Variants in VWDE observed in about 807,000 individuals in gnomAD.
The protein encoded by VWDE is von Willebrand factor D and EGF domain-containing protein.
In VWDE, 207 loss-of-function variants were observed where a neutral mutation model predicts 178.4. The observed-to-expected ratio is 1.16, with a 90% confidence interval of 1.04 to 1.30. VWDE has a LOEUF of 1.30. VWDE is among the 50% of genes most tolerant of loss of function. VWDE has a pLI of 0.00. For missense variants in VWDE, 2,287 were observed against 1,901.3 expected (o/e 1.20, Z -3.77); for synonymous variants, 738 against 651.4 (o/e 1.13, Z -2.02).
intron 19 of VWDE, among the ~76,000 whole-genome samples, chr7:12,349,181 C>G (rs1283659180): frequency 1.3e-5 from 2 of 151,724 alleles, no homozygotes; most frequent in East Asian, 3.9e-4. Flanking sequence ...ACATATGTAA[C>G]TAACCTACAC....
At chr7:12,398,466 TC>T (rs1258906816) in intron 1 of VWDE, among the ~76,000 whole-genome samples, 1 of 152,166 alleles carries the variant, frequency 6.6e-6, no homozygotes, top group Non-Finnish European at 1.5e-5. Flanking sequence ...CAACTCATCT[TC>T]CTTATTCCTC....
chr7:12,359,083 C>G lies in VWDE; in HGVS notation c.3274+495G>C, dbSNP rs148509516. On this transcript the variant is annotated intron_variant, in intron 16 of 28. Coordinates refer to ENST00000275358, the MANE Select transcript of VWDE (RefSeq NM_001135924.3). ...GAGAATTTGGACACCTATATGGAAC[C>G]AACATAGCTCTATTTATGAAAGTGA... Among the ~76,000 whole-genome samples, 1,059 of 152,186 alleles carry G rather than the reference C, an allele frequency of 7.0e-3. 19 individuals carry two copies. Among genetic ancestry groups the G allele is most frequent in the African/African-American group, 0.024 (983 of 41,512 alleles).
Position 12,346,622 on chromosome 7 carries a change from C to CG in VWDE, c.3887-2154dup, listed in dbSNP as rs549048666. ...TTTTTACACATCTTTTTGGCGGGGGCGGGGGGGATCATTATTTATTTCACC... is the reference window on the plus strand; with the variant it reads ...TTTTTACACATCTTTTTGGCGGGGGCGGGGGGGGATCATTATTTATTTCACC... On this transcript the variant is annotated intron_variant, in intron 19 of 28. Transcript: ENST00000275358. Among the ~76,000 whole-genome samples, 1,009 of 136,576 alleles carry CG rather than the reference C, an allele frequency of 7.4e-3. 18 individuals are homozygous for CG. Among genetic ancestry groups the CG allele is most frequent in the African/African-American group, 0.026 (937 of 36,476 alleles). The allele number at this position is 136,576 out of a possible 152,430, so 89.6% of individuals were successfully genotyped here.
chr7:12,372,281 T>C (rs1438573841), intron 10 of VWDE, among the ~76,000 whole-genome samples: 1 of 152,058 alleles, frequency 6.6e-6, no homozygotes, highest in African/African-American at 2.4e-5. Flanking sequence ...ATTTTCCTAA[T>C]TTTTGATTTG....
chr7:12,334,595 C>T (rs1405762706), intron 27 of VWDE, among the ~76,000 whole-genome samples: 15 of 152,150 alleles, frequency 9.9e-5, no homozygotes, highest in Admixed American at 9.8e-4. Context: ...ATGGTAGTAA[C>T]ATATTTTGTT....
chr7:12,332,323 T>C (rs3815527), intron 28 of VWDE, among the ~76,000 whole-genome samples: 98,863 of 151,970 alleles, frequency 0.65, 33,117 homozygotes, highest in African/African-American at 0.83. Context: ...TCCTTCCCCA[T>C]GGCCTTCTGG....
chr7:12,386,094 G>C (rs776311273), intron 3 of VWDE, among the ~76,000 whole-genome samples: 6 of 151,966 alleles, frequency 3.9e-5, no homozygotes, highest in African/African-American at 9.7e-5. Flanking sequence ...AGTTGTCAAT[G>C]TTTCTTAAAC....
chr7:12,352,498 A>G (rs1307724802), intron 18 of VWDE, among the ~76,000 whole-genome samples: 2 of 152,210 alleles, frequency 1.3e-5, no homozygotes, highest in South Asian at 2.1e-4. Context: ...ACTCATGTGT[A>G]AGGGGATTTG....
rs6967241 is a variant in VWDE, at chr7:12,379,482, A to C, written c.874T>G (p.Phe292Val). Residue 292 changes from phenylalanine (F) to valine (V), a missense_variant, in exon 6 of 29, where the codon TTT becomes GTT. Phe to Val is a conservative substitution (Grantham distance 50). Transcript: ENST00000275358. ...GCATCCCCACTGCTGCGTACCTTAAAGCCTGCAAAAAATTCTTGGCTTTCG... is the reference window on the plus strand; with the variant it reads ...GCATCCCCACTGCTGCGTACCTTAACGCCTGCAAAAAATTCTTGGCTTTCG... ...AIESQEFFAGFKLQPELSTIS... is the reference protein window; with the variant it reads ...AIESQEFFAGVKLQPELSTIS... 2 of 1,548,158 alleles carry C rather than the reference A, an allele frequency of 1.3e-6. No homozygotes were observed. Among genetic ancestry groups the C allele is most frequent in the Admixed American group, 2.0e-5 (1 of 50,616 alleles).
At chr7:12,342,687 T>C (rs952468451) in intron 22 of VWDE, among the ~76,000 whole-genome samples, 7 of 151,594 alleles carry the variant, frequency 4.6e-5, no homozygotes, top group African/African-American at 1.7e-4. Flanking sequence ...ATGATTATTA[T>C]TATTATTATT....
At chr7:12,362,181 A>G (rs968824303) in intron 13 of VWDE, among the ~76,000 whole-genome samples, 1 of 151,048 alleles carries the variant, frequency 6.6e-6, no homozygotes, top group Admixed American at 6.6e-5. Context: ...TGAAACAGGA[A>G]AATGAAGCCC....
At position 12,392,725 on chromosome 7, in the gene VWDE, G is replaced by T. The variant is rs576168435; in HGVS notation, c.243+869C>A. 2.0e-5 allele frequency among the ~76,000 whole-genome samples: 3 copies of T among 151,452 alleles called. No individual in the cohort carries two copies. In the South Asian group the frequency reaches 6.3e-4, roughly 32 times the overall value. On this transcript the variant is annotated intron_variant, in intron 2 of 28. Transcript: ENST00000275358. ...AAATAAGAATGAAAGAAGCCACTTG[G>T]GCTAGTTCACTATACAAGACAATGC...
At chr7:12,333,394 C>T (rs779611308) in intron 28 of VWDE, 71 bp downstream of exon 28, 3 of 858,126 alleles carry the variant, frequency 3.5e-6, no homozygotes, top group Admixed American at 6.6e-5. Context: ...TAATTAGTAA[C>T]AATTACTAAG....
chr7:12,375,115 A>C lies in VWDE; in HGVS notation c.1137T>G (p.Ala379=). The C allele has an allele frequency of 6.4e-7, 1 of 1,551,288 alleles. No individual in the cohort carries two copies. Among genetic ancestry groups the C allele is most frequent in the Non-Finnish European group, 8.7e-7 (1 of 1,146,668 alleles). ...CTCCATCTCGAGAAAAATCTGTGAC[A>C]GCAGTGTAGTACACAAAAGTGTGGC... ...TCSHTFVYYT[A]VTDFSRDGDR... The change falls in exon 8 of 29, where the codon GCT becomes GCG. Residue 379 remains alanine (A), a synonymous_variant. Coordinates refer to ENST00000275358, the MANE Select transcript of VWDE (RefSeq NM_001135924.3).
chr7:12,357,599 A>AT (rs1255944544), intron 16 of VWDE, 84 bp from the exon 17 acceptor site: 1 of 1,435,282 alleles, frequency 7.0e-7, no homozygotes, highest in Non-Finnish European at 9.3e-7. Flanking sequence ...AGAGATATGC[A>AT]TTTTGATAAA....
intron 13 of VWDE, among the ~76,000 whole-genome samples, chr7:12,365,073 T>A (rs1377295252): frequency 1.3e-5 from 2 of 151,970 alleles, no homozygotes; most frequent in Non-Finnish European, 2.9e-5. Flanking sequence ...TGGAGCACCG[T>A]CACAATATTC....
chr7:12,386,596 G>T (rs1358053109), intron 3 of VWDE, among the ~76,000 whole-genome samples: 1 of 152,038 alleles, frequency 6.6e-6, no homozygotes, highest in Admixed American at 6.6e-5. Context: ...ATTGCCTTAG[G>T]GCCTGCTGCT....
intron 27 of VWDE, among the ~76,000 whole-genome samples, chr7:12,335,517 G>A (rs996189964): frequency 1.3e-5 from 2 of 151,890 alleles, no homozygotes; most frequent in Admixed American, 6.6e-5. Flanking sequence ...GTGCAGTGGC[G>A]CGATCTCTGC....
intron 3 of VWDE, among the ~76,000 whole-genome samples, chr7:12,385,170 C>T (rs1256864231): frequency 6.6e-6 from 1 of 151,986 alleles, no homozygotes; most frequent in Non-Finnish European, 1.5e-5. Context: ...TAAATATATA[C>T]ACATATATAT....
Sources: allele counts gnomAD v4.1 joint callset (sites outside exome capture counted in the v4.1 genomes callset), GRCh38; gene constraint gnomAD v4.1.1; transcripts MANE v1.5; gene names NCBI Gene and HGNC (gene_info 2026-07-23, HGNC 2026-07-21).